Variants in METTL15 observed in about 807,000 individuals in gnomAD.
METTL15 encodes 12S rRNA N(4)-cytidine methyltransferase METTL15.
METTL15 carries 34 observed loss-of-function variants against 38.3 expected under a neutral mutation model. The observed-to-expected ratio is 0.89, with a 90% CI of 0.68 to 1.18. METTL15 has a LOEUF of 1.18. Among genes scored for constraint, METTL15 ranks in the 50% most tolerant of loss-of-function variants. The pLI is 0.00. For missense variants in METTL15, 438 were observed against 498.4 expected, an observed-to-expected ratio of 0.88 and a Z score of 1.15; for synonymous variants, 162 against 170.9, an observed-to-expected ratio of 0.95 and a Z score of 0.41.
intron 6 of METTL15, among the ~76,000 whole-genome samples, chr11:28,441,243 A>G (rs931279021): frequency 1.3e-4 from 20 of 151,836 alleles, no homozygotes; most frequent in African/African-American, 4.6e-4. Context: ...TGCCCAGCTA[A>G]TTTTTGTATT....
chr11:28,292,336 G>T (rs1411922272), intron 5 of METTL15, among the ~76,000 whole-genome samples: 1 of 151,110 alleles, frequency 6.6e-6, no homozygotes, highest in Non-Finnish European at 1.5e-5. Context: ...GCTATAGTTT[G>T]CTGAGAATGA....
intron 5 of METTL15, among the ~76,000 whole-genome samples, chr11:28,407,786 C>T (rs1391814651): frequency 6.6e-6 from 1 of 152,092 alleles, no homozygotes; most frequent in Non-Finnish European, 1.5e-5. Flanking sequence ...TATCATCTGA[C>T]CCAGCAATCC....
intron 3 of METTL15, among the ~76,000 whole-genome samples, chr11:28,122,333 A>ATATGTGTG (rs368603716): frequency 8.7e-4 from 97 of 112,072 alleles, no homozygotes; most frequent in African/African-American, 3.0e-3. Flanking sequence ...ATGTGTGTAT[A>ATATGTGTG]TGTGTGTGTG....
chr11:28,377,905 G>A (rs935884047), intron 5 of METTL15, among the ~76,000 whole-genome samples: 14 of 152,204 alleles, frequency 9.2e-5, no homozygotes, highest in East Asian at 5.8e-4. Context: ...GTCTGTTGGA[G>A]TACCCTGCAG....
At chr11:28,351,606 A>G (rs1293114508) in intron 3 of METTL15, among the ~76,000 whole-genome samples, 1 of 151,202 alleles carries the variant, frequency 6.6e-6, no homozygotes, top group Non-Finnish European at 1.5e-5. Flanking sequence ...GGTTGTATAC[A>G]ACTCCATGAG....
intron 3 of METTL15, among the ~76,000 whole-genome samples, chr11:28,165,190 T>C (rs567236114): frequency 2.2e-4 from 33 of 152,270 alleles, no homozygotes; most frequent in Admixed American, 2.1e-3. Context: ...ATTTCAGTTA[T>C]CTTGTATCAT....
chr11:28,387,840 C>A (rs1426407097), intron 5 of METTL15, among the ~76,000 whole-genome samples: 2 of 151,998 alleles, frequency 1.3e-5, no homozygotes, highest in African/African-American at 4.8e-5. Flanking sequence ...TCCTGCAATG[C>A]AAATATCCCA....
In METTL15 at chr11:28,484,537, C is replaced by A. The variant is rs1000355388; in HGVS notation, c.*425-41941C>A. ...TTTGTTGCCTTGCCCCTCCTTTTCT[C>A]CATTGCAGTCTCTATATAGGCCATC... is the stretch of plus-strand genomic sequence containing the variant. On this transcript the variant is annotated intron_variant and NMD_transcript_variant, in intron 6 of 7. Transcript: ENST00000532947. Among the ~76,000 whole-genome samples the A allele has an allele frequency of 2.0e-5, 3 of 152,274 alleles. No homozygotes were observed. In the South Asian group the frequency reaches 6.2e-4, roughly 32 times the overall value.
chr11:28,370,291 T>C (rs1048996708), intron 5 of METTL15, among the ~76,000 whole-genome samples: 1 of 137,430 alleles, frequency 7.3e-6, no homozygotes, highest in African/African-American at 2.5e-5. Flanking sequence ...AGCTCTCATA[T>C]ATGAGTGAGA....
chr11:28,523,538 T>C (rs1007753923), intron 6 of METTL15, among the ~76,000 whole-genome samples: 16 of 152,220 alleles, frequency 1.1e-4, no homozygotes, highest in African/African-American at 3.9e-4. Context: ...TAAATTTATA[T>C]TGGCTTTAGC....
rs571833689 is a variant in METTL15 at position 28,454,385 on chromosome 11, G to A, written c.*424+30021G>A. ...TGCAAAAGTAATTTTCAGCTGTACT[G>A]ATATGCTTCTAATCAGTGTATTTCT... On this transcript the variant is annotated intron_variant and NMD_transcript_variant, in intron 6 of 7. Transcript: ENST00000532947. 2.6e-5 allele frequency among the ~76,000 whole-genome samples: 4 copies of A among 152,318 alleles called. No homozygotes were observed. In the South Asian group the frequency reaches 6.2e-4, roughly 24 times the overall value.
intron 4 of METTL15, among the ~76,000 whole-genome samples, chr11:28,245,881 A>G (rs1455609935): frequency 6.6e-6 from 1 of 152,092 alleles, no homozygotes; most frequent in African/African-American, 2.4e-5. Flanking sequence ...TATCATGAGA[A>G]CAGTAAGGGG....
rs10660185 is a variant in METTL15, at chr11:28,161,107, C to CTTTTTTTTTTTTTTTTTTTTTT, written c.270+47522_270+47523insTTTTTTTTTTTTTTTTTTTTTT. On this transcript the variant is annotated intron_variant, in intron 3 of 6. Coordinates refer to ENST00000407364, the MANE Select transcript of METTL15 (RefSeq NM_001113528.2). ...GATATAGTCAGATGTTTGCACCTTCCTTTTTTTTTTTTTTTTTTTGTTTTT... is the reference window on the plus strand; with the variant it reads ...GATATAGTCAGATGTTTGCACCTTCCTTTTTTTTTTTTTTTTTTTTTTTTTTTTTTTTTTTTTTTTTGTTTTT... 1.3e-4 allele frequency among the ~76,000 whole-genome samples: 17 copies of CTTTTTTTTTTTTTTTTTTTTTT among 131,898 alleles called. 1 individual carries two copies. The highest frequency in any genetic ancestry group is 2.6e-4 in the Admixed American group (3 of 11,390). 86.5% of individuals were successfully genotyped at this position (131,898 alleles called of 152,430 possible).
intron 5 of METTL15, among the ~76,000 whole-genome samples, chr11:28,368,151 A>AC (rs1850206357): frequency 7.1e-6 from 1 of 141,446 alleles, no homozygotes; most frequent in Non-Finnish European, 1.5e-5. Context: ...AACAAAAAAA[A>AC]CAAAAAAAAA....
chr11:28,225,063 A>G (rs1017824752), intron 4 of METTL15, among the ~76,000 whole-genome samples: 39 of 151,916 alleles, frequency 2.6e-4, no homozygotes, highest in Admixed American at 2.3e-3. Flanking sequence ...ATATTTATTG[A>G]TTAACCACCA....
At chr11:28,484,097 C>CGGTGAT (rs1564944263) in intron 6 of METTL15, among the ~76,000 whole-genome samples, 1 of 151,962 alleles carries the variant, frequency 6.6e-6, no homozygotes. Context: ...CGTATAATAA[C>CGGTGAT]GGTGATGGTG....
At chr11:28,183,964 C>T (rs906879746) in intron 3 of METTL15, among the ~76,000 whole-genome samples, 6 of 151,984 alleles carry the variant, frequency 3.9e-5, no homozygotes, top group Non-Finnish European at 7.4e-5. Context: ...AGGGATTCAA[C>T]TTCTTCGTGT....
At chr11:28,206,546 C>A (rs1284998522) in intron 3 of METTL15, among the ~76,000 whole-genome samples, 1 of 151,312 alleles carries the variant, frequency 6.6e-6, no homozygotes, top group Non-Finnish European at 1.5e-5. Flanking sequence ...TAGCGTGATG[C>A]CTCCAGTTTT....
chr11:28,182,697 C>T (rs1172052649), intron 3 of METTL15, among the ~76,000 whole-genome samples: 1 of 152,028 alleles, frequency 6.6e-6, no homozygotes, highest in Non-Finnish European at 1.5e-5. Context: ...GGTGATGCCT[C>T]CAGCTTTGTT....
Sources: gnomAD v4.1 joint callset for allele counts (sites outside exome capture counted in the v4.1 genomes callset) on GRCh38, gnomAD v4.1.1 for gene constraint, MANE v1.5 for transcripts, NCBI Gene and HGNC (gene_info 2026-07-23, HGNC 2026-07-21) for gene names.